Variants in GPC3 observed in about 807,000 individuals in gnomAD.
GPC3 encodes the protein glypican-3.
In GPC3, 3 loss-of-function variants were observed where a neutral mutation model predicts 34.4. The ratio of observed to expected loss-of-function variants is 0.09; its 90% confidence interval spans 0.04 to 0.23. The LOEUF (loss-of-function observed/expected upper bound fraction) is 0.23, where lower values mean the gene tolerates loss of function less well. GPC3 is among the 10% of genes least tolerant of loss of function. The pLI, the probability that GPC3 is intolerant of heterozygous loss-of-function variation, is 1.00. For synonymous variants in GPC3, 177 were observed against 174.0 expected (o/e 1.02, Z -0.13); for missense variants, 351 against 445.6 (o/e 0.79, Z 1.91).
chrX:133,717,573 A>AC lies in GPC3; in HGVS notation c.1033-17546dup, dbSNP rs1165947212. On this transcript the variant is annotated intron_variant, in intron 3 of 7. Transcript: ENST00000370818. Reference sequence around the variant, plus strand: ...CAGTGCATGAAGCCCCCAGTCATGCACCCCCTGCTTGCTCAATCAATCACA... The same window carrying AC: ...CAGTGCATGAAGCCCCCAGTCATGCACCCCCCTGCTTGCTCAATCAATCACA... Among the ~76,000 whole-genome samples the AC allele has an allele frequency of 2.7e-5, 3 of 109,587 alleles. No homozygotes were observed. The East Asian group carries it at 8.7e-4, about 32-fold the overall frequency.
intron 5 of GPC3, chrX:133,671,246 A>G: frequency 9.0e-7 from 1 of 1,116,222 alleles, no homozygotes. Flanking sequence ...AAATGAACCC[A>G]AACATAGACT....
chrX:133,726,258 C>A (rs765442083), intron 3 of GPC3, among the ~76,000 whole-genome samples: 28 of 111,489 alleles, frequency 2.5e-4, no homozygotes, highest in Non-Finnish European at 4.5e-4. Flanking sequence ...AACAAAAAAA[C>A]CTAGCATTCA....
chrX:133,979,958 G>A (rs141139342), intron 1 of GPC3, among the ~76,000 whole-genome samples: 185 of 111,618 alleles, frequency 1.7e-3, no homozygotes, highest in African/African-American at 5.4e-3. Context: ...GTCTGTACAC[G>A]AGTTCTGATC....
chrX:133,875,208 A>G (rs1302280743), intron 2 of GPC3, among the ~76,000 whole-genome samples: 1 of 111,970 alleles, frequency 8.9e-6, no homozygotes, highest in Non-Finnish European at 1.9e-5. Context: ...CTCATTTCCA[A>G]CTGGCATCAC....
chrX:133,549,888 CCTT>C (rs924479041), intron 7 of GPC3, among the ~76,000 whole-genome samples: 6 of 100,965 alleles, frequency 5.9e-5, no homozygotes, highest in Non-Finnish European at 1.2e-4. Flanking sequence ...TTCCCTCCCT[CCTT>C]CTCTCTTTCT....
intron 1 of GPC3, among the ~76,000 whole-genome samples, chrX:133,958,384 A>AT (rs977095562): frequency 1.9e-5 from 2 of 107,919 alleles, no homozygotes. Context: ...CTATAAAAAA[A>AT]TTTTTTTTTA....
At position 133,593,287 on chromosome X, in the gene GPC3, T is replaced by C. The variant is rs367964096; in HGVS notation, c.1573+3153A>G. ...GAGGTTTCAGTGAGCCAAGATTGTG[T>C]CACTGCACTCACTCCAGCCTGGGCA... On this transcript the variant is annotated intron_variant, in intron 7 of 7. Transcript: ENST00000370818. Among the ~76,000 whole-genome samples, 3 of 86,889 alleles carry C rather than the reference T, an allele frequency of 3.5e-5. No homozygotes were observed. In the Admixed American group the frequency reaches 4.8e-4, roughly 14 times the overall value. The allele number at this position is 86,889 out of a possible 115,157, so 75.5% of individuals were successfully genotyped here.
chrX:133,909,818 T>C (rs747375162), intron 2 of GPC3, among the ~76,000 whole-genome samples: 62 of 111,453 alleles, frequency 5.6e-4, no homozygotes, highest in Non-Finnish European at 1.1e-3. Flanking sequence ...TGACAGACAT[T>C]GACTCAAGGA....
intron 6 of GPC3, among the ~76,000 whole-genome samples, chrX:133,622,321 GAGA>G (rs958578288): frequency 8.9e-6 from 1 of 112,345 alleles, no homozygotes; most frequent in African/African-American, 3.2e-5. Flanking sequence ...GACGATTTGA[GAGA>G]AGAAGGCTTC....
chrX:133,582,902 G>C (rs2069746981), intron 7 of GPC3, among the ~76,000 whole-genome samples: 1 of 110,878 alleles, frequency 9.0e-6, no homozygotes, highest in Non-Finnish European at 1.9e-5. Flanking sequence ...CTCTGTCCTG[G>C]GTTTGCTTTT....
chrX:133,690,314 G>A (rs957802817), intron 5 of GPC3, among the ~76,000 whole-genome samples: 14 of 111,636 alleles, frequency 1.3e-4, no homozygotes, highest in African/African-American at 4.2e-4. Flanking sequence ...TATAAATTGA[G>A]CTTCCAGCAT....
intron 5 of GPC3, among the ~76,000 whole-genome samples, chrX:133,675,434 G>C (rs1179331912): frequency 9.0e-6 from 1 of 111,325 alleles, no homozygotes; most frequent in Non-Finnish European, 1.9e-5. Context: ...GGGTGTTCAG[G>C]TATGACTTCC....
intron 3 of GPC3, among the ~76,000 whole-genome samples, chrX:133,727,237 T>C (rs1052214214): frequency 4.5e-5 from 5 of 111,698 alleles, no homozygotes; most frequent in Non-Finnish European, 7.5e-5. Flanking sequence ...TCACACCATC[T>C]TCTAAAATTT....
At chrX:133,657,467 C>T (rs2070674148) in intron 6 of GPC3, among the ~76,000 whole-genome samples, 1 of 111,893 alleles carries the variant, frequency 8.9e-6, no homozygotes, top group Non-Finnish European at 1.9e-5. Context: ...TAGCAAATTC[C>T]AGGACTGACA....
At chrX:133,835,402 C>T (rs2075794892) in intron 2 of GPC3, among the ~76,000 whole-genome samples, 1 of 111,953 alleles carries the variant, frequency 8.9e-6, no homozygotes, top group Admixed American at 9.5e-5. Context: ...GATGTCTGAA[C>T]TTCTAAAATA....
At chrX:133,774,771 C>T (rs750793554) in intron 2 of GPC3, among the ~76,000 whole-genome samples, 80 of 111,285 alleles carry the variant, frequency 7.2e-4, no homozygotes, top group Non-Finnish European at 1.2e-3. Context: ...AACCACTTGC[C>T]CAGGGTCATG....
At chrX:133,689,649 A>G (rs1457183553) in intron 5 of GPC3, among the ~76,000 whole-genome samples, 1 of 112,664 alleles carries the variant, frequency 8.9e-6, no homozygotes, top group East Asian at 2.8e-4. Flanking sequence ...AAACAATCAC[A>G]ATGAAGAAAC....
intron 2 of GPC3, among the ~76,000 whole-genome samples, chrX:133,939,187 G>T (rs2124626879): frequency 9.0e-6 from 1 of 111,642 alleles, no homozygotes; most frequent in South Asian, 3.8e-4. Context: ...ATGAAGTCAA[G>T]ACACTGTCTA....
At chrX:133,729,190 A>G (rs73563287) in intron 3 of GPC3, among the ~76,000 whole-genome samples, 5,905 of 110,754 alleles carry the variant, frequency 0.053, 421 homozygotes, top group African/African-American at 0.18. Flanking sequence ...TGCTCCCAGG[A>G]TCAATGTTAG....
Sources: allele counts gnomAD v4.1 joint callset (sites outside exome capture counted in the v4.1 genomes callset), GRCh38; gene constraint gnomAD v4.1.1; transcripts MANE v1.5; gene names NCBI Gene and HGNC (gene_info 2026-07-23, HGNC 2026-07-21).